The following C12orf56 variants were observed in gnomAD, a reference collection of about 807,000 sequenced individuals.
C12orf56 encodes uncharacterized protein C12orf56.
A neutral mutation model predicts 69.9 loss-of-function variants in C12orf56; 71 were observed. The ratio of observed to expected loss-of-function variants is 1.02; its 90% CI spans 0.84 to 1.24. The LOEUF (loss-of-function observed/expected upper bound fraction) is 1.24. Ranked by LOEUF, C12orf56 falls within the 50% of genes most tolerant of loss-of-function variation. C12orf56 has a pLI of 0.00. For synonymous variants in C12orf56, 276 were observed against 274.1 expected (o/e 1.01, Z -0.07); for missense variants, 732 against 738.5 (o/e 0.99, Z 0.10).
intron 9 of C12orf56, among the ~76,000 whole-genome samples, chr12:64,276,963 C>T (rs2038058327): frequency 8.1e-6 from 1 of 123,148 alleles, no homozygotes; most frequent in Non-Finnish European, 1.6e-5. Flanking sequence ...CACTGCACTC[C>T]AGCCTGGGCA....
In C12orf56 at chr12:64,318,909, G is replaced by C; in HGVS notation, c.560C>G (p.Ser187Cys). ...TCGAAAGGCACCTTGGCCATGAAGG[G>C]ACAGCTTTTTGAGGCCTGGACGAGG... is the stretch of plus-strand genomic sequence containing the variant. ...LCPRPGLKKLSLHGQGAFRPL... is the reference protein window; with the variant it reads ...LCPRPGLKKLCLHGQGAFRPL... The change falls in exon 4 of 13, where the codon TCC (serine) becomes TGC (cysteine). Residue 187 changes from serine (S) to cysteine (C), a missense_variant. By Grantham distance (112) the Ser-to-Cys change is moderately radical (BLOSUM62 -1). Coordinates refer to ENST00000543942, the MANE Select transcript of C12orf56 (RefSeq NM_001170633.2). The C allele has an allele frequency of 2.6e-6, 4 of 1,536,954 alleles. No homozygotes were observed. The Admixed American group carries it at 7.8e-5, about 30-fold the overall frequency.
intron 1 of C12orf56, 70 bp downstream of exon 1, chr12:64,390,239 AGGGCT>A: frequency 6.7e-7 from 1 of 1,485,938 alleles, no homozygotes; most frequent in African/African-American, 1.4e-5. Flanking sequence ...CCCGCGCAGG[AGGGCT>A]GGGTTTGGGG....
chr12:64,303,177 G>A (rs1443697162), intron 6 of C12orf56, among the ~76,000 whole-genome samples: 1 of 151,896 alleles, frequency 6.6e-6, no homozygotes, highest in Non-Finnish European at 1.5e-5. Flanking sequence ...GGGAGGCTGA[G>A]GTAAGAGAAT....
At chr12:64,307,181 G>A (rs4572232) in intron 5 of C12orf56, among the ~76,000 whole-genome samples, 149,970 of 152,184 alleles carry the variant, frequency 0.99, 73,930 homozygotes, top group Middle Eastern at 1. Flanking sequence ...TAGAGTAAAC[G>A]TATGAAAACC....
At chr12:64,369,157 CA>C (rs56135769) in intron 1 of C12orf56, among the ~76,000 whole-genome samples, 35 of 136,918 alleles carry the variant, frequency 2.6e-4, no homozygotes, top group Admixed American at 3.7e-4. Context: ...CATCTCTCTA[CA>C]AAAAAAAAAA....
chr12:64,363,352 G>GGATAGGTAAGTGTGCCC (rs1484005017), intron 1 of C12orf56, among the ~76,000 whole-genome samples: 1 of 152,170 alleles, frequency 6.6e-6, no homozygotes, highest in Non-Finnish European at 1.5e-5. Flanking sequence ...GAGGCTAAAA[G>GGATAGGTAAGTGTGCCC]GATAGGTAAG....
intron 1 of C12orf56, among the ~76,000 whole-genome samples, chr12:64,367,533 C>G (rs1288101475): frequency 6.7e-6 from 1 of 149,264 alleles, no homozygotes; most frequent in Non-Finnish European, 1.5e-5. Context: ...TGAGACAGAG[C>G]CTTGCTCTGT....
At chr12:64,268,320 A>C (rs1001858177) in intron 12 of C12orf56, among the ~76,000 whole-genome samples, 2 of 152,188 alleles carry the variant, frequency 1.3e-5, no homozygotes, top group African/African-American at 4.8e-5. Context: ...TTGTCATCTC[A>C]CAAGTGTGAC....
intron 8 of C12orf56, among the ~76,000 whole-genome samples, chr12:64,280,758 T>C (rs1461936910): frequency 5.9e-5 from 9 of 152,058 alleles, no homozygotes; most frequent in Admixed American, 5.9e-4. Context: ...TGTAAGGAAA[T>C]TTAGTCTGCC....
intron 4 of C12orf56, among the ~76,000 whole-genome samples, chr12:64,317,731 GC>G (rs1232176691): frequency 1.3e-5 from 2 of 152,016 alleles, no homozygotes; most frequent in African/African-American, 2.4e-5. Flanking sequence ...CTGCGCTCCA[GC>G]CTGGGTGACA....
intron 1 of C12orf56, among the ~76,000 whole-genome samples, chr12:64,379,027 G>A (rs1592503419): frequency 6.7e-6 from 1 of 150,344 alleles, no homozygotes; most frequent in Middle Eastern, 3.5e-3. Context: ...CTCCAGCCTG[G>A]GTGACAGGAA....
chr12:64,354,132 T>C (rs542180909), intron 1 of C12orf56, among the ~76,000 whole-genome samples: 1 of 152,364 alleles, frequency 6.6e-6, no homozygotes, highest in Admixed American at 6.5e-5. Flanking sequence ...AGGTTTGAAC[T>C]ACTGGAAATG....
At chr12:64,323,038 C>A (rs1305567326) in intron 3 of C12orf56, among the ~76,000 whole-genome samples, 1 of 152,096 alleles carries the variant, frequency 6.6e-6, no homozygotes, top group Admixed American at 6.6e-5. Context: ...TTTAAAAATT[C>A]AATACAAGTA....
At chr12:64,377,744 A>G (rs571457627) in intron 1 of C12orf56, among the ~76,000 whole-genome samples, 4 of 152,310 alleles carry the variant, frequency 2.6e-5, no homozygotes, top group South Asian at 2.1e-4. Context: ...TCAATTCACC[A>G]TAAGTATTTT....
At chr12:64,381,494 G>A (rs575452197) in intron 1 of C12orf56, among the ~76,000 whole-genome samples, 1 of 152,282 alleles carries the variant, frequency 6.6e-6, no homozygotes, top group Non-Finnish European at 1.5e-5. Context: ...TTTTGGGAAA[G>A]GGCTGTTATT....
intron 12 of C12orf56, among the ~76,000 whole-genome samples, chr12:64,270,125 C>T (rs1168070843): frequency 2.6e-5 from 4 of 151,868 alleles, no homozygotes; most frequent in African/African-American, 4.8e-5. Context: ...AGGCCAGGTG[C>T]GGTGGCTCAC....
chr12:64,390,261 G>C, intron 1 of C12orf56, 53 bp downstream of exon 1: 1 of 1,534,034 alleles, frequency 6.5e-7, no homozygotes, highest in South Asian at 1.2e-5. Flanking sequence ...GGGGGCCCCA[G>C]CCGGGAGTTC....
chr12:64,306,155 C>T (rs918014135), intron 5 of C12orf56, among the ~76,000 whole-genome samples: 3 of 151,976 alleles, frequency 2.0e-5, no homozygotes, highest in African/African-American at 7.2e-5. Context: ...GTCTCATATA[C>T]ATCATAAATT....
chr12:64,302,051 T>G (rs1476375961), intron 6 of C12orf56, among the ~76,000 whole-genome samples: 1 of 152,198 alleles, frequency 6.6e-6, no homozygotes, highest in Non-Finnish European at 1.5e-5. Context: ...ATACTGTGTG[T>G]GGGGTGGACT....
Sources: gnomAD v4.1 joint callset for allele counts (sites outside exome capture counted in the v4.1 genomes callset) on GRCh38, gnomAD v4.1.1 for gene constraint, MANE v1.5 for transcripts, NCBI Gene and HGNC (gene_info 2026-07-23, HGNC 2026-07-21) for gene names.